The following GRIA2 variants were observed in gnomAD, a reference collection of about 807,000 sequenced individuals.
The protein encoded by GRIA2 is glutamate ionotropic receptor AMPA type subunit 2.
In GRIA2, 14 loss-of-function variants were observed where a neutral mutation model predicts 97.3. That is an observed-to-expected ratio of 0.14 (90% CI 0.10 to 0.23). GRIA2 has a LOEUF of 0.23. Ranked by LOEUF, GRIA2 falls within the 10% of genes least tolerant of loss-of-function variation. The probability of loss-of-function intolerance (pLI) is 1.00; values close to 1 mark genes in which losing one functional copy is unlikely to be tolerated. For missense variants in GRIA2, 558 were observed against 1,069.8 expected (o/e 0.52, Z 6.67); for synonymous variants, 412 against 387.8 (o/e 1.06, Z -0.73).
At chr4:157,301,203 T>A (rs1323797171) in intron 2 of GRIA2, among the ~76,000 whole-genome samples, 2 of 152,198 alleles carry the variant, frequency 1.3e-5, no homozygotes, top group African/African-American at 4.8e-5. Flanking sequence ...AAGATATACC[T>A]GTCAGTACAC....
chr4:157,225,035 T>C (rs1213906001), intron 2 of GRIA2, among the ~76,000 whole-genome samples: 1 of 152,122 alleles, frequency 6.6e-6, no homozygotes, highest in Non-Finnish European at 1.5e-5. Context: ...GAAAATTTAT[T>C]AGTTTACTAA....
chr4:157,259,511 C>G (rs552306583), intron 2 of GRIA2, among the ~76,000 whole-genome samples: 79 of 152,200 alleles, frequency 5.2e-4, no homozygotes, highest in African/African-American at 1.9e-3. Flanking sequence ...ATTTCACAGG[C>G]CATTTTATGT....
chr4:157,231,245 C>T (rs1191387300), intron 2 of GRIA2, among the ~76,000 whole-genome samples: 1 of 152,056 alleles, frequency 6.6e-6, no homozygotes, highest in Non-Finnish European at 1.5e-5. Flanking sequence ...CACCGTGTTG[C>T]CTAGGCCGGT....
At chr4:157,231,515 A>G (rs1363925451) in intron 2 of GRIA2, among the ~76,000 whole-genome samples, 2 of 152,182 alleles carry the variant, frequency 1.3e-5, no homozygotes, top group Non-Finnish European at 2.9e-5. Flanking sequence ...CACAAATTTA[A>G]GGTGCTTTAT....
At chr4:157,260,507 T>C (rs1731483059) in intron 2 of GRIA2, among the ~76,000 whole-genome samples, 1 of 151,996 alleles carries the variant, frequency 6.6e-6, no homozygotes, top group African/African-American at 2.4e-5. Flanking sequence ...CCTAGCACCA[T>C]GAACGAGGAA....
intron 2 of GRIA2, among the ~76,000 whole-genome samples, chr4:157,300,175 A>G (rs1307624596): frequency 6.6e-6 from 1 of 152,124 alleles, no homozygotes; most frequent in East Asian, 1.9e-4. Flanking sequence ...ATTGGGGAAT[A>G]AGGTAAAGAT....
intron 7 of GRIA2, 71 bp from the exon 8 acceptor site, chr4:157,333,173 TTAAAG>T (rs1489257680): frequency 9.4e-6 from 9 of 960,678 alleles, no homozygotes; most frequent in South Asian, 1.6e-5. Flanking sequence ...CTTCATCTGG[TTAAAG>T]TAATCTGTAC....
intron 13 of GRIA2, 32 bp downstream of exon 13, chr4:157,360,175 G>A (rs1373782219): frequency 3.1e-6 from 5 of 1,599,066 alleles, no homozygotes; most frequent in Non-Finnish European, 4.3e-6. Context: ...TATGCTAAAT[G>A]TTGTTATAGT....
chr4:157,316,301 A>G (rs1246610116), intron 4 of GRIA2, among the ~76,000 whole-genome samples: 2 of 152,170 alleles, frequency 1.3e-5, no homozygotes, highest in African/African-American at 4.8e-5. Flanking sequence ...GTTTCTTGGA[A>G]AAGGCAATTT....
intron 2 of GRIA2, among the ~76,000 whole-genome samples, chr4:157,285,428 G>A (rs151265876): frequency 5.6e-4 from 85 of 151,158 alleles, no homozygotes; most frequent in African/African-American, 1.9e-3. Context: ...ATTTTTTATG[G>A]TTTCTGCTCC....
At chr4:157,356,825 T>C (rs1456562772) in intron 12 of GRIA2, among the ~76,000 whole-genome samples, 1 of 152,066 alleles carries the variant, frequency 6.6e-6, no homozygotes, top group African/African-American at 2.4e-5. Flanking sequence ...TGTAGTGTGC[T>C]CCCCAGTGCA....
At chr4:157,230,667 T>C (rs1332345306) in intron 2 of GRIA2, among the ~76,000 whole-genome samples, 2 of 152,066 alleles carry the variant, frequency 1.3e-5, no homozygotes, top group Non-Finnish European at 2.9e-5. Context: ...CTCTTTCATT[T>C]GATGTTTGCT....
intron 4 of GRIA2, among the ~76,000 whole-genome samples, chr4:157,317,045 C>A (rs1734355603): frequency 6.6e-6 from 1 of 152,162 alleles, no homozygotes; most frequent in African/African-American, 2.4e-5. Context: ...AAATTAGCTT[C>A]TCTGATACTT....
chr4:157,346,773 G>A (rs1372167474), intron 12 of GRIA2, among the ~76,000 whole-genome samples: 1 of 152,050 alleles, frequency 6.6e-6, no homozygotes, highest in East Asian at 1.9e-4. Context: ...AGTTTTTTGG[G>A]GGCTTGATTA....
chr4:157,303,039 G>A (rs1013584971), intron 2 of GRIA2, among the ~76,000 whole-genome samples: 1 of 152,118 alleles, frequency 6.6e-6, no homozygotes, highest in Non-Finnish European at 1.5e-5. Flanking sequence ...GGGGACATGC[G>A]TCTGTATTTA....
At chr4:157,254,534 C>T (rs1270474372) in intron 2 of GRIA2, among the ~76,000 whole-genome samples, 1 of 151,896 alleles carries the variant, frequency 6.6e-6, no homozygotes, top group East Asian at 1.9e-4. Flanking sequence ...GCAAACAACT[C>T]AATATGAAAA....
At chr4:157,275,024 C>T (rs1297234121) in intron 2 of GRIA2, among the ~76,000 whole-genome samples, 5 of 151,822 alleles carry the variant, frequency 3.3e-5, no homozygotes, top group South Asian at 2.1e-4. Context: ...TCCTCTCCAG[C>T]GCCTGTTGTT....
chr4:157,269,364 C>T (rs1457392757), intron 2 of GRIA2, among the ~76,000 whole-genome samples: 1 of 152,010 alleles, frequency 6.6e-6, no homozygotes, highest in Non-Finnish European at 1.5e-5. Flanking sequence ...TGTTTTCTTG[C>T]TCCCCAAAAC....
intron 12 of GRIA2, among the ~76,000 whole-genome samples, chr4:157,355,932 T>A (rs1277276831): frequency 3.4e-4 from 10 of 28,990 alleles, no homozygotes; most frequent in Admixed American, 7.0e-4. Context: ...TTTATATATA[T>A]TTATATATTA....
Sources: gnomAD v4.1 joint callset for allele counts (sites outside exome capture counted in the v4.1 genomes callset) on GRCh38, gnomAD v4.1.1 for gene constraint, MANE v1.5 for transcripts, NCBI Gene and HGNC (gene_info 2026-07-23, HGNC 2026-07-21) for gene names.